The following MYO1H variants were observed in gnomAD, a reference collection of about 807,000 sequenced individuals.
MYO1H encodes the protein unconventional myosin-Ih.
A neutral mutation model predicts 149.3 loss-of-function variants in MYO1H; 118 were observed. The ratio of observed to expected loss-of-function variants is 0.79; its 90% CI spans 0.68 to 0.92. MYO1H has a LOEUF of 0.92. Ranked by LOEUF, MYO1H falls within the 40% of genes least tolerant of loss-of-function variation. The probability of loss-of-function intolerance (pLI) is 0.00; values close to 1 mark genes in which losing one functional copy is unlikely to be tolerated. For synonymous variants in MYO1H, 447 were observed against 465.2 expected (o/e 0.96, Z 0.50); for missense variants, 1,212 against 1,280.7 (o/e 0.95, Z 0.82).
the MYO1H span, among the ~76,000 whole-genome samples, chr12:109,340,934 C>A: frequency 6.6e-6 from 1 of 152,070 alleles, no homozygotes; most frequent in African/African-American, 2.4e-5. Context: ...TGCCAGTAAT[C>A]CCCGCACTTT....
chr12:109,370,099 A>T (rs894427930), intron 1 of MYO1H, among the ~76,000 whole-genome samples: 1 of 152,136 alleles, frequency 6.6e-6, no homozygotes, highest in South Asian at 2.1e-4. Context: ...CCCATGACAC[A>T]TGGGAATTGT....
intron 13 of MYO1H, 88 bp from the exon 14 acceptor site, chr12:109,411,806 A>G (rs754354088): frequency 3.9e-5 from 35 of 908,704 alleles, no homozygotes; most frequent in Non-Finnish European, 5.4e-5. Context: ...TTAGTCCAGT[A>G]CTTTCTGTTC....
the MYO1H span, among the ~76,000 whole-genome samples, chr12:109,324,908 TC>T: frequency 2.6e-5 from 4 of 152,078 alleles, no homozygotes; most frequent in African/African-American, 7.2e-5. Flanking sequence ...TGTATGATGT[TC>T]CCCTCCCTGT....
the MYO1H span, among the ~76,000 whole-genome samples, chr12:109,312,773 G>GT: frequency 4.6e-5 from 6 of 130,328 alleles, no homozygotes; most frequent in South Asian, 2.4e-4. Flanking sequence ...TTTTTTGTTT[G>GT]TTTTTTGTTT....
chr12:109,421,164 A>T, intron 16 of MYO1H, 137 bp downstream of exon 16: 1 of 612,934 alleles, frequency 1.6e-6, no homozygotes, highest in South Asian at 2.0e-5. Context: ...TCATGGCCAG[A>T]ACAGACATTC....
exon 20 of MYO1H, chr12:109,432,976 A>T: frequency 6.2e-7 from 1 of 1,614,068 alleles, no homozygotes; most frequent in Non-Finnish European, 8.5e-7. Flanking sequence ...GATCAAGTAC[A>T]TCGGCTACAA....
chr12:109,424,779 G>A (rs369792503), exon 17 of MYO1H: 2 of 1,613,820 alleles, frequency 1.2e-6, no homozygotes, highest in African/African-American at 2.7e-5. Context: ...ATTATCCTGA[G>A]GGAATGCTTC....
the MYO1H span, among the ~76,000 whole-genome samples, chr12:109,337,373 G>A: frequency 1.3e-5 from 2 of 152,160 alleles, no homozygotes; most frequent in East Asian, 1.9e-4. Flanking sequence ...ATCCCACCTC[G>A]ATAGGATGTG....
rs1048806163 is a variant in MYO1H at position 109,387,300 on chromosome 12, G to A, written c.13-1383G>A. Among the ~76,000 whole-genome samples the A allele has an allele frequency of 2.6e-5, 4 of 152,058 alleles. No individual in the cohort carries two copies. The East Asian group carries it at 7.7e-4, about 29-fold the overall frequency. On this transcript the variant is annotated intron_variant, in intron 1 of 31. Coordinates refer to ENST00000310903, the Ensembl canonical transcript of MYO1H. The stretch of plus-strand genomic sequence containing the variant: ...GGATGGAAATGTTTTCCATTTCTGT[G>A]CTGAATTGTTTTGGGACCTCTACTG...
In MYO1H at chr12:109,377,987, T is replaced by C. The variant is rs562436098; in HGVS notation, c.13-10696T>C. 1.2e-4 allele frequency among the ~76,000 whole-genome samples: 18 copies of C among 152,364 alleles called. No homozygotes were observed. The South Asian group carries it at 3.3e-3, about 28-fold the overall frequency. ...TATTTCAGTATTTATTTCTAAGTGA[T>C]ACAGAATCTTTTAAAAACATAACCA... On this transcript the variant is annotated intron_variant, in intron 1 of 31. Coordinates refer to ENST00000310903, the Ensembl canonical transcript of MYO1H.
chr12:109,442,997 G>GGAAAA (rs1435648565), intron 27 of MYO1H, among the ~76,000 whole-genome samples: 8 of 67,800 alleles, frequency 1.2e-4, no homozygotes, highest in African/African-American at 4.3e-4. Context: ...AGAGAGCCAG[G>GGAAAA]AAAAAAAAAA....
intron 2 of MYO1H, among the ~76,000 whole-genome samples, chr12:109,392,449 G>A (rs774340629): frequency 3.9e-4 from 59 of 152,258 alleles, no homozygotes; most frequent in Non-Finnish European, 5.7e-4. Flanking sequence ...CCGGCCAGGC[G>A]CGGTGGCTCA....
intron 15 of MYO1H, among the ~76,000 whole-genome samples, chr12:109,419,045 T>C (rs917444023): frequency 2.0e-5 from 3 of 152,230 alleles, no homozygotes; most frequent in Admixed American, 6.6e-5. Flanking sequence ...TATAAACTGC[T>C]GACAGCACAG....
intron 1 of MYO1H, among the ~76,000 whole-genome samples, chr12:109,374,997 C>T (rs377052173): frequency 5.8e-4 from 86 of 149,350 alleles, no homozygotes; most frequent in African/African-American, 1.8e-3. Context: ...TGGGATTACA[C>T]GTGCCTGCCA....
intron 22 of MYO1H, among the ~76,000 whole-genome samples, chr12:109,437,917 G>A (rs1395206626): frequency 2.7e-5 from 4 of 150,504 alleles, no homozygotes; most frequent in South Asian, 2.1e-4. Flanking sequence ...GCGAAACCCC[G>A]TCTCTACTAA....
chr12:109,352,761 G>C (rs73190678), intron 1 of MYO1H, among the ~76,000 whole-genome samples: 1 of 152,236 alleles, frequency 6.6e-6, no homozygotes, highest in Non-Finnish European at 1.5e-5. Flanking sequence ...AGATTTCAAA[G>C]AAAGTTGCAG....
At chr12:109,415,457 C>T in intron 14 of MYO1H, 69 bp from the exon 15 acceptor site, 2 of 1,439,546 alleles carry the variant, frequency 1.4e-6, no homozygotes, top group Non-Finnish European at 1.9e-6. Flanking sequence ...GCTTGGGCAA[C>T]AGAGCAAGAC....
the MYO1H span, among the ~76,000 whole-genome samples, chr12:109,332,814 G>C: frequency 6.6e-6 from 1 of 152,112 alleles, no homozygotes; most frequent in Admixed American, 6.5e-5. Flanking sequence ...AAAGTCTGGG[G>C]CTTAAGCAGT....
chr12:109,444,137 TG>T (rs1872372161), intron 28 of MYO1H, 75 bp from the exon 29 acceptor site: 4 of 1,112,912 alleles, frequency 3.6e-6, no homozygotes, highest in Non-Finnish European at 4.1e-6. Flanking sequence ...GGGCAGCCCC[TG>T]GGCGTATCTC....
Sources: allele counts gnomAD v4.1 joint callset (sites outside exome capture counted in the v4.1 genomes callset), GRCh38; gene constraint gnomAD v4.1.1; transcripts MANE v1.5; gene names NCBI Gene and HGNC (gene_info 2026-07-23, HGNC 2026-07-21).